Variants in PHLPP1 observed in about 807,000 individuals in gnomAD.
PHLPP1 encodes the protein PH domain and leucine rich repeat protein phosphatase 1.
Under a neutral mutation model 117.2 loss-of-function variants are expected in PHLPP1, and 42 were observed. The ratio of observed to expected loss-of-function variants is 0.36; its 90% confidence interval spans 0.28 to 0.46. PHLPP1 has a LOEUF of 0.46. PHLPP1 is among the 20% of genes least tolerant of loss of function. The probability of loss-of-function intolerance (pLI) is 1.00; values close to 1 mark genes in which losing one functional copy is unlikely to be tolerated. For missense variants in PHLPP1, 2,084 were observed against 2,241.9 expected, an observed-to-expected ratio of 0.93 and a Z score of 1.42; for synonymous variants, 1,042 against 970.7, an observed-to-expected ratio of 1.07 and a Z score of -1.37.
chr18:62,802,359 G>A (rs551793851), intron 1 of PHLPP1, among the ~76,000 whole-genome samples: 1 of 152,198 alleles, frequency 6.6e-6, no homozygotes, highest in African/African-American at 2.4e-5. Context: ...TGGGGAAGAG[G>A]GCAGATTCGA....
intron 8 of PHLPP1, among the ~76,000 whole-genome samples, chr18:62,905,578 A>G (rs1916828190): frequency 6.6e-6 from 1 of 152,198 alleles, no homozygotes; most frequent in Non-Finnish European, 1.5e-5. Flanking sequence ...CATTATATGA[A>G]TCATATTTTT....
At chr18:62,813,459 A>G (rs1200200041) in intron 1 of PHLPP1, among the ~76,000 whole-genome samples, 5 of 152,132 alleles carry the variant, frequency 3.3e-5, no homozygotes, top group Admixed American at 2.6e-4. Flanking sequence ...GGGAGTGGAA[A>G]GTTTGGGCAG....
intron 12 of PHLPP1, among the ~76,000 whole-genome samples, chr18:62,956,256 C>G (rs1447888588): frequency 6.6e-6 from 1 of 152,166 alleles, no homozygotes; most frequent in Non-Finnish European, 1.5e-5. Context: ...AAGGTACCAG[C>G]AGATTTGGTC....
Position 62,716,448 on chromosome 18 carries a change from C to T in PHLPP1, c.765C>T (p.Ala255=), listed in dbSNP as rs1268970777. 28 of 1,307,636 alleles carry T rather than the reference C, an allele frequency of 2.1e-5. No individual in the cohort carries two copies. The highest frequency in any genetic ancestry group is 2.1e-5 in the Non-Finnish European group (22 of 1,031,674). 81.0% of individuals were successfully genotyped at this position (1,307,636 alleles called of 1,614,324 possible). The change falls in exon 1 of 17, where the codon GCC becomes GCT. Residue 255 remains alanine, a synonymous_variant. Transcript: ENST00000262719. This position sits in a 1 kb window ranked among gnomAD's most constrained non-coding sequence, Gnocchi z 5.7. The part of the protein sequence containing the change: ...VKVLGQGPGA[A]AAREPAEPPP... ...TGCTGGGCCAGGGGCCCGGAGCCGC[C>T]GCCGCCCGGGAGCCCGCTGAACCGC... is the stretch of plus-strand genomic sequence containing the variant.
chr18:62,747,281 T>G (rs527592306), intron 1 of PHLPP1, among the ~76,000 whole-genome samples: 1 of 148,464 alleles, frequency 6.7e-6, no homozygotes, highest in East Asian at 2.0e-4. Context: ...ATTTCCTTTT[T>G]TTTTTTTTTT....
chr18:62,810,583 AT>A (rs944398859), intron 1 of PHLPP1, among the ~76,000 whole-genome samples: 7 of 152,222 alleles, frequency 4.6e-5, no homozygotes, highest in Non-Finnish European at 5.9e-5. Flanking sequence ...TAGAATAATT[AT>A]AACAGTATAC....
chr18:62,865,543 A>G (rs569401582), intron 4 of PHLPP1, among the ~76,000 whole-genome samples: 11 of 152,336 alleles, frequency 7.2e-5, no homozygotes, highest in South Asian at 2.1e-4. Context: ...TTGCACTTCT[A>G]TCATAGAACA....
chr18:62,771,627 T>A (rs1286815935), intron 1 of PHLPP1, among the ~76,000 whole-genome samples: 1 of 152,230 alleles, frequency 6.6e-6, no homozygotes, highest in Non-Finnish European at 1.5e-5. Flanking sequence ...AGAAGAAACA[T>A]CAGAAGCAGT....
intron 1 of PHLPP1, among the ~76,000 whole-genome samples, chr18:62,813,361 C>A (rs892128814): frequency 6.6e-6 from 1 of 152,062 alleles, no homozygotes; most frequent in Non-Finnish European, 1.5e-5. Context: ...TCCATGGAAT[C>A]GTGTAATGGA....
intron 12 of PHLPP1, among the ~76,000 whole-genome samples, chr18:62,958,004 G>A (rs866450837): frequency 1.3e-5 from 2 of 151,738 alleles, no homozygotes; most frequent in African/African-American, 2.4e-5. Context: ...CACTGTGCCC[G>A]GTGCACCTAC....
Position 62,768,395 on chromosome 18 carries a change from T to C in PHLPP1, c.1576+51136T>C, listed in dbSNP as rs1281248545. Among the ~76,000 whole-genome samples the C allele has an allele frequency of 4.6e-5, 7 of 152,312 alleles. No individual in the cohort carries two copies. In the South Asian group the frequency reaches 1.5e-3, roughly 32 times the overall value. On this transcript the variant is annotated intron_variant, in intron 1 of 16. Transcript: ENST00000262719. ...GCAGGAAGTACAGCATGAACTTTTA[T>C]TGAAAACAGCTCAACAGTGATATCA...
intron 2 of PHLPP1, among the ~76,000 whole-genome samples, chr18:62,830,939 T>C (rs1195074002): frequency 6.6e-6 from 1 of 152,232 alleles, no homozygotes; most frequent in Non-Finnish European, 1.5e-5. Flanking sequence ...CTTAAGTCTT[T>C]GACCACATTT....
intron 4 of PHLPP1, among the ~76,000 whole-genome samples, chr18:62,892,659 G>A (rs976936155): frequency 2.0e-5 from 3 of 151,618 alleles, no homozygotes; most frequent in Admixed American, 6.6e-5. Context: ...GGCGGATCAC[G>A]AGGCCAGGAG....
At chr18:62,914,522 G>A (rs1917047389) in intron 8 of PHLPP1, among the ~76,000 whole-genome samples, 1 of 152,082 alleles carries the variant, frequency 6.6e-6, no homozygotes, top group Admixed American at 6.5e-5. Context: ...TGTAAACCTC[G>A]AACTCCTCTA....
At chr18:62,823,621 C>CATAT (rs1198433906) in intron 1 of PHLPP1, among the ~76,000 whole-genome samples, 1 of 149,478 alleles carries the variant, frequency 6.7e-6, no homozygotes, top group Non-Finnish European at 1.5e-5. Flanking sequence ...TATATATCTA[C>CATAT]ATATATATGT....
Position 62,798,249 on chromosome 18 carries a change from C to T in PHLPP1, c.1577-31786C>T, listed in dbSNP as rs2144297035. On this transcript the variant is annotated intron_variant, in intron 1 of 16. Coordinates refer to ENST00000262719, the MANE Select transcript of PHLPP1 (RefSeq NM_194449.4). Reference sequence around the variant, plus strand: ...TGCTGGACCCAAAACTAACACCTCACCACGTGCCTCAGAAATTGGTATTAT... The same window carrying T: ...TGCTGGACCCAAAACTAACACCTCATCACGTGCCTCAGAAATTGGTATTAT... Among the ~76,000 whole-genome samples the T allele has an allele frequency of 2.0e-5, 3 of 152,302 alleles. 1 individual carries two copies. Among genetic ancestry groups the T allele is most frequent in the Admixed American group, 2.0e-4 (3 of 15,296 alleles).
At chr18:62,783,283 A>G (rs944888826) in intron 1 of PHLPP1, among the ~76,000 whole-genome samples, 6 of 141,110 alleles carry the variant, frequency 4.3e-5, no homozygotes, top group African/African-American at 1.6e-4. Context: ...GCTGGAGCAC[A>G]GTGGCGTGAT....
At chr18:62,892,875 CAAA>C (rs1214001726) in intron 4 of PHLPP1, among the ~76,000 whole-genome samples, 7 of 80,986 alleles carry the variant, frequency 8.6e-5, no homozygotes, top group East Asian at 3.6e-4. Flanking sequence ...GACTCCATCT[CAAA>C]AAAAAAAAAA....
chr18:62,721,429 G>GGT (rs71340107), intron 1 of PHLPP1, among the ~76,000 whole-genome samples: 5,902 of 144,292 alleles, frequency 0.041, 138 homozygotes, highest in African/African-American at 0.065. Context: ...GAGGGGTGTG[G>GGT]GTGTGTGTGT....
Sources: allele counts gnomAD v4.1 joint callset (sites outside exome capture counted in the v4.1 genomes callset), GRCh38; gene constraint gnomAD v4.1.1; non-coding constraint Gnocchi (gnomAD v3.1); transcripts MANE v1.5; gene names NCBI Gene and HGNC (gene_info 2026-07-23, HGNC 2026-07-21).